The following PAFAH1B1 variants were observed in gnomAD, a reference collection of about 807,000 sequenced individuals.
PAFAH1B1 encodes the protein platelet activating factor acetylhydrolase 1b regulatory subunit 1.
PAFAH1B1 carries 2 observed loss-of-function variants against 57.5 expected under a neutral mutation model. That is an observed-to-expected ratio of 0.03 (90% CI 0.01 to 0.11). PAFAH1B1 has a LOEUF of 0.11. Among genes scored for constraint, PAFAH1B1 ranks in the 10% least tolerant of loss-of-function variants. The pLI is 1.00. For synonymous variants in PAFAH1B1, 152 were observed against 169.6 expected, an observed-to-expected ratio of 0.90 and a Z score of 0.81; for missense variants, 257 against 512.0, an observed-to-expected ratio of 0.50 and a Z score of 4.81.
chr17:2,632,115 G>A (rs2068563246), intron 1 of PAFAH1B1, among the ~76,000 whole-genome samples: 1 of 152,136 alleles, frequency 6.6e-6, no homozygotes, highest in African/African-American at 2.4e-5. Flanking sequence ...TTTTTGTAGA[G>A]ATGGGGTCTT....
intron 1 of PAFAH1B1, among the ~76,000 whole-genome samples, chr17:2,599,750 T>G (rs925852985): frequency 1.3e-5 from 2 of 152,124 alleles, no homozygotes; most frequent in South Asian, 4.1e-4. Flanking sequence ...GTGAATTAAC[T>G]CAACTGGACA....
chr17:2,602,312 G>T (rs1010471152), intron 1 of PAFAH1B1, among the ~76,000 whole-genome samples: 5 of 151,602 alleles, frequency 3.3e-5, no homozygotes, highest in Admixed American at 2.6e-4. Context: ...CCTGTGGTTC[G>T]CATTTTTATG....
chr17:2,613,704 A>C (rs1483473989), intron 1 of PAFAH1B1: 1 of 284,680 alleles, frequency 3.5e-6, no homozygotes, highest in African/African-American at 2.3e-5. Context: ...TCCATGGTCC[A>C]CTTGCTGACG....
chr17:2,608,853 C>A (rs532393616), intron 1 of PAFAH1B1, among the ~76,000 whole-genome samples: 3 of 152,176 alleles, frequency 2.0e-5, no homozygotes, highest in African/African-American at 7.2e-5. Context: ...ATTTATGCTT[C>A]GAGCTGAATA....
chr17:2,647,598 AATAAT>A (rs770248043), intron 2 of PAFAH1B1, among the ~76,000 whole-genome samples: 79 of 152,132 alleles, frequency 5.2e-4, no homozygotes, highest in Non-Finnish European at 1.0e-3. Context: ...AAACATACTA[AATAAT>A]ATAATAGTGG....
intron 1 of PAFAH1B1, among the ~76,000 whole-genome samples, chr17:2,601,710 G>A (rs1296632486): frequency 6.6e-6 from 1 of 152,146 alleles, no homozygotes; most frequent in East Asian, 1.9e-4. Flanking sequence ...GCAAAGTGCT[G>A]GGATTACAGG....
At chr17:2,654,102 C>T (rs929861110) in intron 2 of PAFAH1B1, among the ~76,000 whole-genome samples, 22 of 152,010 alleles carry the variant, frequency 1.4e-4, no homozygotes, top group African/African-American at 3.1e-4. Context: ...CCACCATGCC[C>T]GGCCAGTCAC....
chr17:2,617,438 G>A (rs1015726234), intron 1 of PAFAH1B1, among the ~76,000 whole-genome samples: 1 of 152,202 alleles, frequency 6.6e-6, no homozygotes, highest in African/African-American at 2.4e-5. Context: ...TGGTGAAGCT[G>A]TAAAAGAATT....
At chr17:2,662,625 G>C (rs2069033639) in intron 2 of PAFAH1B1, among the ~76,000 whole-genome samples, 1 of 151,930 alleles carries the variant, frequency 6.6e-6, no homozygotes, top group Non-Finnish European at 1.5e-5. Context: ...GGCTGCTCTT[G>C]AACTCCTGTC....
intron 1 of PAFAH1B1, among the ~76,000 whole-genome samples, chr17:2,624,686 C>A (rs569575760): frequency 1.3e-5 from 2 of 152,286 alleles, no homozygotes; most frequent in East Asian, 3.9e-4. Flanking sequence ...CTGGGAGATA[C>A]AAGTCAAGTT....
chr17:2,643,388 G>C (rs1265160324), intron 2 of PAFAH1B1, among the ~76,000 whole-genome samples: 1 of 152,064 alleles, frequency 6.6e-6, no homozygotes, highest in Non-Finnish European at 1.5e-5. Context: ...CTAATAGCTG[G>C]GATTACAGGC....
intron 8 of PAFAH1B1, among the ~76,000 whole-genome samples, chr17:2,675,347 A>T (rs2069245460): frequency 6.6e-6 from 1 of 152,120 alleles, no homozygotes; most frequent in South Asian, 2.1e-4. Context: ...TATTTTTAAA[A>T]CTACATGTCA....
chr17:2,593,754 G>T lies in PAFAH1B1; in HGVS notation c.-443G>T. 1 of 383,858 alleles carries T rather than the reference G, an allele frequency of 2.6e-6. No individual in the cohort carries two copies. Among genetic ancestry groups the T allele is most frequent in the South Asian group, 1.3e-4 (1 of 7,664 alleles). The allele number at this position is 383,858 out of a possible 1,614,324, so 23.8% of individuals were successfully genotyped here. ...ACACGGGAGTCTAGGGAGCGAGAAG[G>T]AGAAGGAGGGGAGCGCTCGGGCGCG... On this transcript the variant is annotated 5_prime_UTR_variant, in exon 1 of 11. Transcript: ENST00000397195.
intron 1 of PAFAH1B1, among the ~76,000 whole-genome samples, chr17:2,615,096 T>A (rs1333807153): frequency 6.6e-6 from 1 of 152,228 alleles, no homozygotes; most frequent in Non-Finnish European, 1.5e-5. Context: ...ACATGCAGTT[T>A]TCCTGTCATT....
At chr17:2,599,971 C>CTTTT (rs34442256) in intron 1 of PAFAH1B1, among the ~76,000 whole-genome samples, 109 of 82,792 alleles carry the variant, frequency 1.3e-3, no homozygotes, top group African/African-American at 2.2e-3. Context: ...CATTTTTAAC[C>CTTTT]TTTTTTTTTT....
intron 5 of PAFAH1B1, among the ~76,000 whole-genome samples, chr17:2,667,903 A>C (rs1247505891): frequency 6.6e-6 from 1 of 152,002 alleles, no homozygotes; most frequent in Non-Finnish European, 1.5e-5. Context: ...CGGACACAAT[A>C]AAATGACCGT....
intron 2 of PAFAH1B1, among the ~76,000 whole-genome samples, chr17:2,650,237 TGC>T (rs2068830019): frequency 6.6e-6 from 1 of 152,064 alleles, no homozygotes; most frequent in East Asian, 1.9e-4. Flanking sequence ...GGCAGCCAGG[TGC>T]AGTGGCTCAC....
In PAFAH1B1 at chr17:2,682,893, A is replaced by G. The variant is rs1349924587; in HGVS notation, c.*1091A>G. ...AATGTACTGTTTTCACCTTTTGTTT[A>G]TATGTAAATGTTTGTAAGTATATGG... On this transcript the variant is annotated 3_prime_UTR_variant, in exon 11 of 11. Transcript: ENST00000397195. The G allele has an allele frequency of 2.0e-5, 3 of 152,624 alleles. No individual in the cohort carries two copies. The highest frequency in any genetic ancestry group is 7.2e-5 in the African/African-American group (3 of 41,446). 9.5% of individuals were successfully genotyped at this position (152,624 alleles called of 1,614,324 possible). A position where few individuals can be genotyped will look rare whatever the true frequency, so the allele number is the denominator to read the frequency against.
At chr17:2,644,963 C>G (rs901241816) in intron 2 of PAFAH1B1, among the ~76,000 whole-genome samples, 5 of 152,102 alleles carry the variant, frequency 3.3e-5, no homozygotes, top group African/African-American at 1.2e-4. Flanking sequence ...AAATGTTCAT[C>G]AGGCCAGGTG....
Sources: allele counts gnomAD v4.1 joint callset (sites outside exome capture counted in the v4.1 genomes callset), GRCh38; gene constraint gnomAD v4.1.1; transcripts MANE v1.5; gene names NCBI Gene and HGNC (gene_info 2026-07-23, HGNC 2026-07-21).